EEF2K: variants seen among roughly 807,000 people sequenced by gnomAD.
EEF2K encodes alternative protein EEF2K.
In EEF2K, 70 loss-of-function variants were observed where a neutral mutation model predicts 93.8. The ratio of observed to expected loss-of-function variants is 0.75; its 90% CI spans 0.62 to 0.91. The LOEUF is 0.91. Ranked by LOEUF, EEF2K falls within the 40% of genes least tolerant of loss-of-function variation. The pLI, the probability that EEF2K is intolerant of heterozygous loss-of-function variation, is 0.00. For synonymous variants in EEF2K, 376 were observed against 380.8 expected (o/e 0.99, Z 0.15); for missense variants, 935 against 972.9 (o/e 0.96, Z 0.52).
chr16:22,269,514 G>C (rs568193685), intron 15 of EEF2K, among the ~76,000 whole-genome samples: 79 of 151,812 alleles, frequency 5.2e-4, no homozygotes, highest in African/African-American at 1.9e-3. Flanking sequence ...CAATTCTCCT[G>C]CCTCAGTCTC....
intron 2 of EEF2K, among the ~76,000 whole-genome samples, chr16:22,241,416 G>A (rs976394290): frequency 1.3e-5 from 2 of 151,904 alleles, no homozygotes; most frequent in East Asian, 1.9e-4. Context: ...AGGCCAAGGC[G>A]GGTGGATCAC....
At chr16:22,226,767 A>G (rs1406817910) in intron 2 of EEF2K, among the ~76,000 whole-genome samples, 1 of 152,046 alleles carries the variant, frequency 6.6e-6, no homozygotes, top group African/African-American at 2.4e-5. Context: ...AATTTTTTGA[A>G]AGAATTTATT....
intron 1 of EEF2K, among the ~76,000 whole-genome samples, chr16:22,208,850 A>G (rs879412667): frequency 1.3e-5 from 2 of 152,152 alleles, no homozygotes; most frequent in Non-Finnish European, 2.9e-5. Context: ...TGCTCCCTGG[A>G]TGAATTTTCC....
At chr16:22,223,435 C>T (rs1231882862) in intron 1 of EEF2K, among the ~76,000 whole-genome samples, 6 of 152,178 alleles carry the variant, frequency 3.9e-5, no homozygotes, top group African/African-American at 1.2e-4. Context: ...TGCACCACCA[C>T]GCCTGGCTAC....
chr16:22,226,325 CTTTTTTTT>C lies in EEF2K; in HGVS notation c.246+368_246+375del, dbSNP rs935058417. Among the ~76,000 whole-genome samples, 28 of 63,668 alleles carry C rather than the reference CTTTTTTTT, an allele frequency of 4.4e-4. No individual in the cohort carries two copies. The Admixed American group carries it at 5.1e-3, about 12-fold the overall frequency. The allele number at this position is 63,668 out of a possible 152,430, so 41.8% of individuals were successfully genotyped here. ...CAGGCTGGAGTGCAGAGGTGCTGTTCTTTTTTTTTTTTTTTTTTTTTTTTTAAAGAAAT... is the reference window on the plus strand; with the variant it reads ...CAGGCTGGAGTGCAGAGGTGCTGTTCTTTTTTTTTTTTTTTTTAAAGAAAT... On this transcript the variant is annotated intron_variant, in intron 2 of 17. Transcript: ENST00000263026.
At position 22,225,779 on chromosome 16, in the gene EEF2K, A is replaced by C. The variant is rs1387900284; in HGVS notation, c.50A>C (p.Gln17Pro). 6.2e-7 allele frequency: 1 copy of C among 1,614,102 alleles called. No individual in the cohort carries two copies. The highest frequency in any genetic ancestry group is 1.3e-5 in the African/African-American group (1 of 74,926). Residue 17 changes from glutamine to proline, a missense_variant, in exon 2 of 18, where the codon CAG (glutamine) becomes CCG (proline). Physicochemically the swap from Gln to Pro is moderately conservative, Grantham distance 76 (BLOSUM62 -1). Coordinates refer to ENST00000263026, the MANE Select transcript of EEF2K (RefSeq NM_013302.5). ...IFRLEGVDGGQSPRAGHDGDS... is the reference protein window; with the variant it reads ...IFRLEGVDGGPSPRAGHDGDS... ...CGCCTGGAAGGCGTTGATGGCGGCC[A>C]GTCCCCCCGAGCTGGCCATGATGGT...
Position 22,225,765 on chromosome 16 carries a change from C to T in EEF2K, c.36C>T (p.Gly12=), listed in dbSNP as rs777567285. ...ADEDLIFRLE[G]VDGGQSPRAG... is the part of the protein sequence containing the mutation. ...AAGATCTCATCTTCCGCCTGGAAGG[C>T]GTTGATGGCGGCCAGTCCCCCCGAG... Residue 12 remains glycine, a synonymous_variant, in exon 2 of 18, where the codon GGC becomes GGT. Transcript: ENST00000263026. 3 of 1,614,188 alleles carry T rather than the reference C, an allele frequency of 1.9e-6. No individual in the cohort carries two copies. The highest frequency in any genetic ancestry group is 2.7e-5 in the African/African-American group (2 of 75,036).
chr16:22,260,324 C>G lies in EEF2K; in HGVS notation c.1232-138C>G. On this transcript the variant is annotated intron_variant, in intron 10 of 17. Transcript: ENST00000263026. ...CTCCAGGTGCTGATAACATTCTTCT[C>G]CTTTTTTGTGCCTTTCTTTAAAGCT... is the stretch of plus-strand genomic sequence containing the variant. 3.9e-6 allele frequency: 3 copies of G among 776,790 alleles called. No individual in the cohort carries two copies. The South Asian group carries it at 5.2e-5, about 14-fold the overall frequency. The allele number at this position is 776,790 out of a possible 1,614,324, so 48.1% of individuals were successfully genotyped here.
At chr16:22,237,179 A>G (rs1048891619) in intron 2 of EEF2K, among the ~76,000 whole-genome samples, 12 of 151,482 alleles carry the variant, frequency 7.9e-5, no homozygotes, top group African/African-American at 2.7e-4. Flanking sequence ...TCCTGGCCTC[A>G]AGTGCTCCAC....
intron 15 of EEF2K, 144 bp from the exon 16 acceptor site, chr16:22,273,482 A>G: frequency 1.7e-6 from 2 of 1,201,200 alleles, no homozygotes; most frequent in Non-Finnish European, 2.3e-6. Context: ...TCTGGAGTCA[A>G]GTGCCCCCTC....
intron 3 of EEF2K, among the ~76,000 whole-genome samples, chr16:22,248,150 C>T (rs900675913): frequency 5.3e-5 from 8 of 151,996 alleles, no homozygotes; most frequent in South Asian, 4.1e-4. Context: ...CTGTGACCTC[C>T]GCCTCCCGGG....
intron 1 of EEF2K, among the ~76,000 whole-genome samples, chr16:22,222,312 C>T (rs562083509): frequency 6.6e-6 from 1 of 151,736 alleles, no homozygotes; most frequent in Admixed American, 6.6e-5. Flanking sequence ...CTCAAGTGAT[C>T]TTCCCACCTC....
chr16:22,257,332 C>T lies in EEF2K; in HGVS notation c.848C>T (p.Thr283Ile), dbSNP rs1389010507. 1 of 1,613,896 alleles carries T rather than the reference C, an allele frequency of 6.2e-7. No homozygotes were observed. The highest frequency in any genetic ancestry group is 1.1e-5 in the South Asian group (1 of 91,068). Reference protein sequence around the residue: ...VDIQGVGDLYTDPQIHTETGT... With the variant: ...VDIQGVGDLYIDPQIHTETGT... ...ATCCAGGGAGTTGGGGATCTCTACA[C>T]TGACCCACAGATCCACACGGAGACG... is the stretch of plus-strand genomic sequence containing the variant. Residue 283 changes from threonine to isoleucine, a missense_variant, in exon 8 of 18, where the codon ACT becomes ATT. Physicochemically the swap from Thr to Ile is moderately conservative, Grantham distance 89. Transcript: ENST00000263026.
At chr16:22,283,506 A>G (rs184945763) in intron 17 of EEF2K, among the ~76,000 whole-genome samples, 69 of 152,194 alleles carry the variant, frequency 4.5e-4, no homozygotes, top group African/African-American at 1.6e-3. Flanking sequence ...ATCCCCACTT[A>G]GTTCTGCAAA....
chr16:22,243,786 A>G (rs552638886), intron 2 of EEF2K, among the ~76,000 whole-genome samples: 10 of 150,444 alleles, frequency 6.6e-5, no homozygotes, highest in African/African-American at 2.4e-4. Context: ...AGCCAGGTAT[A>G]GTGGTGTGCA....
intron 11 of EEF2K, among the ~76,000 whole-genome samples, chr16:22,262,865 T>C (rs2141677640): frequency 6.6e-6 from 1 of 152,244 alleles, no homozygotes; most frequent in South Asian, 2.1e-4. Context: ...ACTGTTACCT[T>C]ATACTGCTCC....
Position 22,244,652 on chromosome 16 carries a change from A to G in EEF2K, c.269A>G (p.Gln90Arg). ...HFKEAWKHAIQKAKHMPDPWA... is the reference protein window; with the variant it reads ...HFKEAWKHAIRKAKHMPDPWA... ...CAGGAAGCCTGGAAGCACGCAATCC[A>G]GAAGGCCAAGCACATGCCCGACCCC... is the stretch of plus-strand genomic sequence containing the variant. Residue 90 changes from glutamine to arginine, a missense_variant, in exon 3 of 18, where the codon CAG becomes CGG. Transcript: ENST00000263026. 1.2e-6 allele frequency: 2 copies of G among 1,614,052 alleles called. No individual in the cohort carries two copies. The highest frequency in any genetic ancestry group is 1.7e-6 in the Non-Finnish European group (2 of 1,179,944).
At chr16:22,243,452 G>A (rs1004130523) in intron 2 of EEF2K, among the ~76,000 whole-genome samples, 1 of 151,470 alleles carries the variant, frequency 6.6e-6, no homozygotes, top group African/African-American at 2.4e-5. Flanking sequence ...GGGTTTCACC[G>A]TGTTGGCCAC....
intron 16 of EEF2K, among the ~76,000 whole-genome samples, chr16:22,273,995 C>T (rs1199511220): frequency 6.6e-6 from 1 of 152,164 alleles, no homozygotes; most frequent in Non-Finnish European, 1.5e-5. Flanking sequence ...GTAACCCTTG[C>T]GGTGCCTGGC....
Sources: allele counts gnomAD v4.1 joint callset (sites outside exome capture counted in the v4.1 genomes callset), GRCh38; gene constraint gnomAD v4.1.1; transcripts MANE v1.5; gene names NCBI Gene and HGNC (gene_info 2026-07-23, HGNC 2026-07-21).